PHLDB1: variants seen among roughly 807,000 people sequenced by gnomAD.
The protein encoded by PHLDB1 is pleckstrin homology-like domain family B member 1.
PHLDB1 carries 65 observed loss-of-function variants against 139.3 expected under a neutral mutation model. The ratio of observed to expected loss-of-function variants is 0.47; its 90% confidence interval spans 0.38 to 0.57. The LOEUF (loss-of-function observed/expected upper bound fraction) is 0.57, where lower values mean the gene tolerates loss of function less well. Among genes scored for constraint, PHLDB1 ranks in the 20% least tolerant of loss-of-function variants. The pLI, the probability that PHLDB1 is intolerant of heterozygous loss-of-function variation, is 0.00. For missense variants in PHLDB1, 1,624 were observed against 1,839.7 expected, an observed-to-expected ratio of 0.88 and a Z score of 2.14; for synonymous variants, 679 against 734.5, an observed-to-expected ratio of 0.92 and a Z score of 1.22.
At chr11:118,607,429 G>A, upstream of PHLDB1, among the ~76,000 whole-genome samples, 1 of 145,678 alleles carries the variant, frequency 6.9e-6, no homozygotes, top group East Asian at 2.0e-4. Context: ...AGCGGGCGCT[G>A]TGCAGGCTGG....
chr11:118,639,489 G>T (rs1358007535), intron 12 of PHLDB1: 7 of 530,108 alleles, frequency 1.3e-5, no homozygotes, highest in Admixed American at 1.3e-4. Context: ...GTTTTTGGTG[G>T]CTGAATATAT....
chr11:118,606,962 T>A (rs1285645852), upstream of PHLDB1, among the ~76,000 whole-genome samples: 4 of 152,134 alleles, frequency 2.6e-5, no homozygotes, highest in African/African-American at 9.7e-5. Context: ...CATGACACTT[T>A]AACGAGTCTT....
At chr11:118,631,006 C>G in intron 6 of PHLDB1, among the ~76,000 whole-genome samples, 1 of 148,110 alleles carries the variant, frequency 6.8e-6, no homozygotes, top group East Asian at 2.2e-4. Context: ...ACAACAGCCT[C>G]GTTCTTCCTG....
intron 2 of PHLDB1, 70 bp downstream of exon 2, chr11:118,613,966 T>TAGAAAAG: frequency 1.0e-6 from 1 of 991,710 alleles, no homozygotes; most frequent in Non-Finnish European, 1.6e-6. Flanking sequence ...TACCCCCTTG[T>TAGAAAAG]GGTCCCAGCC....
rs1947282510 is a variant in PHLDB1, at chr11:118,645,187, G to A, written c.3122-169G>A. 1 of 513,300 alleles carries A rather than the reference G, an allele frequency of 1.9e-6. No individual in the cohort carries two copies. 31.8% of individuals were successfully genotyped at this position (513,300 alleles called of 1,614,324 possible). A position where few individuals can be genotyped will look rare whatever the true frequency, so the allele number is the denominator to read the frequency against. ...TGTGCAGGCGACTGAAGCATTGGCA[G>A]AGCAGCCAGGCCTGGAGCTGCAGGG... On this transcript the variant is annotated intron_variant, in intron 15 of 22. Coordinates refer to ENST00000600882, the MANE Select transcript of PHLDB1 (RefSeq NM_001144758.3). The surrounding 1 kb of genome is among the most constrained non-coding windows in gnomAD (Gnocchi z 5.1).
Position 118,627,658 on chromosome 11 carries a change from C to T in PHLDB1, c.835C>T (p.Pro279Ser). 6.2e-7 allele frequency: 1 copy of T among 1,611,712 alleles called. No individual in the cohort carries two copies. The highest frequency in any genetic ancestry group is 1.3e-5 in the African/African-American group (1 of 75,068). ...SHSPSGQEPG[P>S]SVPPLVPARS... is the part of the protein sequence containing the mutation. ...CTCACCCAGTGGGCAAGAGCCAGGA[C>T]CTTCTGTGCCCCCGCTGGTACCTGC... The change falls in exon 6 of 23, where the codon CCT becomes TCT. Residue 279 changes from proline (P) to serine (S), a missense_variant. Pro to Ser is a moderately conservative substitution (Grantham distance 74, BLOSUM62 -1). Coordinates refer to ENST00000600882, the MANE Select transcript of PHLDB1 (RefSeq NM_001144758.3).
chr11:118,647,882 GGGGGAA>G, intron 17 of PHLDB1, 42 bp from the exon 18 acceptor site: 1 of 1,540,878 alleles, frequency 6.5e-7, no homozygotes, highest in African/African-American at 1.4e-5. Context: ...AGGGCCAGTG[GGGGGAA>G]GAGGATGGCC....
At chr11:118,606,675 A>G (rs1939314752), upstream of PHLDB1, 1 of 152,264 alleles carries the variant, frequency 6.6e-6, no homozygotes, top group South Asian at 2.1e-4. Flanking sequence ...TTTGCAAGGT[A>G]AGGATCCACT....
rs1555123739 is a variant in PHLDB1, at chr11:118,643,847, G to A, written c.2925G>A (p.Arg975=). 1 of 1,613,908 alleles carries A rather than the reference G, an allele frequency of 6.2e-7. No individual in the cohort carries two copies. Among genetic ancestry groups the A allele is most frequent in the South Asian group, 1.1e-5 (1 of 91,068 alleles). ...GCGAGGCCACCAGCCCCCTTCCCCG[G>A]ACCCGCAGCGGCCCCCTCCCCTCCT... ...MDGEATSPLP[R]TRSGPLPSSS... The change falls in exon 14 of 23, where the codon CGG becomes CGA. Residue 975 remains arginine (R), a synonymous_variant. Coordinates refer to ENST00000600882, the MANE Select transcript of PHLDB1 (RefSeq NM_001144758.3).
At chr11:118,648,268 G>GT (rs1555131959) in intron 18 of PHLDB1, among the ~76,000 whole-genome samples, 192 bp downstream of exon 18, 2 of 129,848 alleles carry the variant, frequency 1.5e-5, no homozygotes, top group South Asian at 2.6e-4. Flanking sequence ...GACTATTCAA[G>GT]TTGTGTGTGT....
In PHLDB1 at chr11:118,627,814, C is replaced by T. The variant is rs1555104200; in HGVS notation, c.991C>T (p.Leu331=). The change falls in exon 6 of 23, where the codon CTG becomes TTG. Residue 331 remains leucine, a synonymous_variant. Coordinates refer to ENST00000600882, the MANE Select transcript of PHLDB1 (RefSeq NM_001144758.3). ...TCCCAGCCCTGGCCTCCGGGGTCTG[C>T]TGACAGACAGCCCTGCAGCTACTGT... ...RPPSPGLRGL[L]TDSPAATVLA... The T allele has an allele frequency of 1.7e-5, 28 of 1,604,848 alleles. No individual in the cohort carries two copies. The highest frequency in any genetic ancestry group is 2.4e-5 in the Non-Finnish European group (28 of 1,179,474).
chr11:118,645,795 T>C lies in PHLDB1; in HGVS notation c.3477T>C (p.His1159=), dbSNP rs782328079. The change falls in exon 17 of 23, where the codon CAT becomes CAC. Residue 1159 remains histidine, a synonymous_variant. Coordinates refer to ENST00000600882, the MANE Select transcript of PHLDB1 (RefSeq NM_001144758.3). This position sits in a 1 kb window ranked among gnomAD's most constrained non-coding sequence, Gnocchi z 5.1. The stretch of plus-strand genomic sequence containing the variant: ...TGGAGAAGATGCTGAAAGAGGCTCA[T>C]GCAGAGAAGAACCGGCTCATGGAGT... ...EEMEKMLKEA[H]AEKNRLMESR... is the part of the protein sequence containing the mutation. 8.1e-6 allele frequency: 13 copies of C among 1,613,306 alleles called. No homozygotes were observed. Among genetic ancestry groups the C allele is most frequent in the Non-Finnish European group, 8.5e-7 (1 of 1,179,474 alleles).
chr11:118,610,181 G>A lies in PHLDB1; in HGVS notation c.-22+2482G>A, dbSNP rs931161751. Among the ~76,000 whole-genome samples the A allele has an allele frequency of 4.0e-5, 6 of 151,512 alleles. No homozygotes were observed. Among genetic ancestry groups the A allele is most frequent in the Admixed American group, 1.3e-4 (2 of 15,216 alleles). On this transcript the variant is annotated intron_variant, in intron 1 of 22. Coordinates refer to ENST00000600882, the MANE Select transcript of PHLDB1 (RefSeq NM_001144758.3). The surrounding 1 kb of genome is among the most constrained non-coding windows in gnomAD (Gnocchi z 8.7). ...CCCTCGGTCTTCCCCTCCCCAGCTT[G>A]CATTTTTTCCCATCTCTTAGTCTGC...
intron 17 of PHLDB1, among the ~76,000 whole-genome samples, chr11:118,646,062 C>T (rs566869494): frequency 1.9e-4 from 29 of 152,154 alleles, no homozygotes; most frequent in South Asian, 2.1e-4. Context: ...AGATCGAAAC[C>T]ATCCTGGCTA....
chr11:118,647,971 G>A lies in PHLDB1; in HGVS notation c.3549G>A (p.Glu1183=). Residue 1183 remains glutamate (E), a synonymous_variant, in exon 18 of 23, where the codon GAG becomes GAA. Transcript: ENST00000600882. ...TGCGGCGGCAGGCCCTGGAGGAGGA[G>A]CGGCGGAGGCGTGAGCAGGTAGAAC... is the stretch of plus-strand genomic sequence containing the variant. The part of the protein sequence containing the change: ...MELRRQALEE[E]RRRREQVERR... 1 of 1,590,492 alleles carries A rather than the reference G, an allele frequency of 6.3e-7. No homozygotes were observed. Among genetic ancestry groups the A allele is most frequent in the South Asian group, 1.1e-5 (1 of 87,956 alleles).
At position 118,655,617 on chromosome 11, in the gene PHLDB1, C is replaced by T. The variant is rs1555141150; in HGVS notation, c.3887C>T (p.Thr1296Met). 3.1e-6 allele frequency: 5 copies of T among 1,611,612 alleles called. No individual in the cohort carries two copies. In the African/African-American group the frequency reaches 4.0e-5, roughly 13 times the overall value. The change falls in exon 21 of 23, where the codon ACG becomes ATG. Residue 1296 changes from threonine to methionine, a missense_variant. Coordinates refer to ENST00000600882, the MANE Select transcript of PHLDB1 (RefSeq NM_001144758.3). ...TLSYYVDKHE[T>M]KLKGVIYFQA... ...ACTTGCTTTGCAGACAAGCATGAGA[C>T]GAAGCTGAAGGGAGTCATCTATTTC... is the stretch of plus-strand genomic sequence containing the variant.
At position 118,643,785 on chromosome 11, in the gene PHLDB1, A is replaced by G; in HGVS notation, c.2878-15A>G. ...GGGGAGCCAGGAATCACTGGGCACTATCTTTTCTTTCCAGGTTTACCGCTC... is the reference window on the plus strand; with the variant it reads ...GGGGAGCCAGGAATCACTGGGCACTGTCTTTTCTTTCCAGGTTTACCGCTC... On this transcript the variant is annotated splice_polypyrimidine_tract_variant and intron_variant, in intron 13 of 22. Transcript: ENST00000600882. 1 of 1,614,064 alleles carries G rather than the reference A, an allele frequency of 6.2e-7. No homozygotes were observed. The highest frequency in any genetic ancestry group is 8.5e-7 in the Non-Finnish European group (1 of 1,179,986).
At position 118,628,027 on chromosome 11, in the gene PHLDB1, C is replaced by T; in HGVS notation, c.1204C>T (p.Pro402Ser). Reference sequence around the variant, plus strand: ...CAAGATTGGCACACTCCAGGACCGCCCTCCCAGCCCTTTCCGTGAGCCTCC... The same window carrying T: ...CAAGATTGGCACACTCCAGGACCGCTCTCCCAGCCCTTTCCGTGAGCCTCC... ...RNKIGTLQDR[P>S]PSPFREPPGS... Residue 402 changes from proline (P) to serine (S), a missense_variant, in exon 6 of 23, where the codon CCT (proline) becomes TCT (serine). Pro to Ser is a moderately conservative substitution (Grantham distance 74). Transcript: ENST00000600882. 2 of 1,613,958 alleles carry T rather than the reference C, an allele frequency of 1.2e-6. No individual in the cohort carries two copies. The highest frequency in any genetic ancestry group is 1.3e-5 in the African/African-American group (1 of 75,060).
chr11:118,644,267 T>C, intron 15 of PHLDB1, 93 bp downstream of exon 15: 3 of 880,186 alleles, frequency 3.4e-6, no homozygotes, highest in Non-Finnish European at 5.4e-6. Flanking sequence ...CACAGGATGT[T>C]TTTCCTTTAA....
Sources: allele counts gnomAD v4.1 joint callset (sites outside exome capture counted in the v4.1 genomes callset), GRCh38; gene constraint gnomAD v4.1.1; non-coding constraint Gnocchi (gnomAD v3.1); transcripts MANE v1.5; gene names NCBI Gene and HGNC (gene_info 2026-07-23, HGNC 2026-07-21).